GRID1: variants seen among roughly 807,000 people sequenced by gnomAD.
GRID1 encodes the protein glutamate ionotropic receptor delta type subunit 1.
Under a neutral mutation model 98.0 loss-of-function variants are expected in GRID1, and 28 were observed. The observed-to-expected ratio is 0.29, with a 90% CI of 0.21 to 0.39. The LOEUF (loss-of-function observed/expected upper bound fraction) is 0.39. Ranked by LOEUF, GRID1 falls within the 10% of genes least tolerant of loss-of-function variation. The probability of loss-of-function intolerance (pLI) is 1.00; values close to 1 mark genes in which losing one functional copy is unlikely to be tolerated. For synonymous variants in GRID1, 553 were observed against 538.5 expected (o/e 1.03, Z -0.37); for missense variants, 1,111 against 1,340.5 (o/e 0.83, Z 2.67).
At chr10:86,119,093 TCA>T (rs2131957603) in intron 4 of GRID1, among the ~76,000 whole-genome samples, 1 of 152,310 alleles carries the variant, frequency 6.6e-6, no homozygotes, top group South Asian at 2.1e-4. Flanking sequence ...CCCAGCACTT[TCA>T]GAGGCTAAGG....
intron 4 of GRID1, among the ~76,000 whole-genome samples, chr10:86,028,750 G>A (rs944171451): frequency 3.3e-5 from 5 of 151,996 alleles, no homozygotes; most frequent in Admixed American, 2.0e-4. Context: ...CTCTGGGAAA[G>A]GGCCATTTTC....
At chr10:85,870,739 G>A (rs1843270662) in intron 5 of GRID1, among the ~76,000 whole-genome samples, 1 of 152,154 alleles carries the variant, frequency 6.6e-6, no homozygotes, top group African/African-American at 2.4e-5. Context: ...ATGACCTGGG[G>A]AGGGACAGAG....
intron 2 of GRID1, among the ~76,000 whole-genome samples, chr10:86,335,426 T>C (rs1171261231): frequency 6.6e-6 from 1 of 152,258 alleles, no homozygotes; most frequent in East Asian, 1.9e-4. Context: ...AATGGGCTTC[T>C]TTACTGCAGG....
At chr10:85,979,143 T>C (rs1842511248) in intron 4 of GRID1, among the ~76,000 whole-genome samples, 1 of 152,020 alleles carries the variant, frequency 6.6e-6, no homozygotes, top group Non-Finnish European at 1.5e-5. Flanking sequence ...AGGACCAAGG[T>C]TGTGAGTGCA....
intron 4 of GRID1, among the ~76,000 whole-genome samples, chr10:86,088,480 C>T (rs1844096661): frequency 6.6e-6 from 1 of 152,202 alleles, no homozygotes; most frequent in South Asian, 2.1e-4. Context: ...TTTTGTATCT[C>T]TCTGCTTAAA....
intron 4 of GRID1, among the ~76,000 whole-genome samples, chr10:85,948,893 C>T (rs189924204): frequency 1.3e-5 from 2 of 152,112 alleles, no homozygotes; most frequent in East Asian, 1.9e-4. Context: ...AAAGGTAATA[C>T]GATATTTCAT....
At chr10:85,836,301 T>C (rs1167189043) in intron 8 of GRID1, among the ~76,000 whole-genome samples, 2 of 151,600 alleles carry the variant, frequency 1.3e-5, no homozygotes, top group Non-Finnish European at 2.9e-5. Context: ...ATAGCTCCCA[T>C]GGAGGGATGG....
At chr10:85,836,233 T>G (rs962081401) in intron 8 of GRID1, among the ~76,000 whole-genome samples, 1 of 151,628 alleles carries the variant, frequency 6.6e-6, no homozygotes, top group Non-Finnish European at 1.5e-5. Context: ...ATATTGTTCT[T>G]CAAAAAATCA....
At chr10:85,641,208 GA>G (rs965618362) in intron 13 of GRID1, among the ~76,000 whole-genome samples, 1 of 151,844 alleles carries the variant, frequency 6.6e-6, no homozygotes, top group Admixed American at 6.6e-5. Flanking sequence ...TCAAGCTAAA[GA>G]AAAAAAATCC....
chr10:86,227,364 A>G (rs895262729), intron 2 of GRID1, among the ~76,000 whole-genome samples: 3 of 152,118 alleles, frequency 2.0e-5, no homozygotes, highest in Admixed American at 1.3e-4. Flanking sequence ...CTCCCTAAGA[A>G]CTTGCTCATA....
chr10:86,141,014 C>G (rs371499458), intron 3 of GRID1, among the ~76,000 whole-genome samples: 1 of 151,932 alleles, frequency 6.6e-6, no homozygotes, highest in East Asian at 1.9e-4. Context: ...CAGCCTGGTC[C>G]CTGGAGCACA....
At chr10:85,813,144 GA>G (rs1842687772) in intron 8 of GRID1, among the ~76,000 whole-genome samples, 1 of 151,306 alleles carries the variant, frequency 6.6e-6, no homozygotes, top group African/African-American at 2.4e-5. Context: ...CAGAAGAAGA[GA>G]AAAACATTTT....
chr10:85,774,491 A>C (rs564482935), intron 8 of GRID1, among the ~76,000 whole-genome samples: 1,614 of 151,488 alleles, frequency 0.011, 30 homozygotes, highest in African/African-American at 0.037. Flanking sequence ...TAATTAAACT[A>C]AAGAGCTTCT....
chr10:85,665,183 A>G (rs967691046), intron 12 of GRID1, among the ~76,000 whole-genome samples: 2 of 152,134 alleles, frequency 1.3e-5, no homozygotes, highest in African/African-American at 2.4e-5. Flanking sequence ...AATATATTCC[A>G]GTTTCCTTTC....
chr10:85,780,214 G>C (rs1349420550), intron 8 of GRID1, among the ~76,000 whole-genome samples: 1 of 152,174 alleles, frequency 6.6e-6, no homozygotes, highest in Admixed American at 6.5e-5. Context: ...GAGGATCTGC[G>C]AGGCCACTGT....
At chr10:85,886,578 T>C (rs1156984308) in intron 5 of GRID1, among the ~76,000 whole-genome samples, 1 of 152,198 alleles carries the variant, frequency 6.6e-6, no homozygotes, top group Non-Finnish European at 1.5e-5. Context: ...TGGGTGTTTG[T>C]TATATTACTC....
chr10:86,053,407 G>C (rs959846668), intron 4 of GRID1, among the ~76,000 whole-genome samples: 5 of 150,882 alleles, frequency 3.3e-5, no homozygotes, highest in African/African-American at 1.2e-4. Context: ...ACCCAGACTA[G>C]AGTGCAGTGG....
chr10:85,808,087 A>T (rs1842638986), intron 8 of GRID1, among the ~76,000 whole-genome samples: 1 of 152,206 alleles, frequency 6.6e-6, no homozygotes, highest in Admixed American at 6.5e-5. Context: ...GGAAGTTCCC[A>T]TAGTAAATAA....
rs1844970418 is a variant in GRID1 at position 86,138,915 on chromosome 10, G to A, written c.630C>T (p.Thr210=). The A allele has an allele frequency of 5.6e-6, 9 of 1,613,940 alleles. No homozygotes were observed. The highest frequency in any genetic ancestry group is 1.6e-4 in the Middle Eastern group (1 of 6,084). ...NISHVFTSLF[T]TMKTEELNRY... is the part of the protein sequence containing the mutation. ...GATTCAGCTCCTCTGTCTTCATCGT[G>A]GTGAAGAGGCTGGTGAATACGTGGC... Residue 210 remains threonine, a synonymous_variant, in exon 4 of 16, where the codon ACC becomes ACT. Transcript: ENST00000327946.
Sources: allele counts gnomAD v4.1 joint callset (sites outside exome capture counted in the v4.1 genomes callset), GRCh38; gene constraint gnomAD v4.1.1; transcripts MANE v1.5; gene names NCBI Gene and HGNC (gene_info 2026-07-23, HGNC 2026-07-21).